ACOXL: variants seen among roughly 807,000 people sequenced by gnomAD.
ACOXL encodes the protein acyl-coenzyme A oxidase-like protein.
A neutral mutation model predicts 71.9 loss-of-function variants in ACOXL; 70 were observed. That is an observed-to-expected ratio of 0.97 (90% CI 0.80 to 1.19). The LOEUF is 1.19. Ranked by LOEUF, ACOXL falls within the 50% of genes most tolerant of loss-of-function variation. ACOXL has a pLI of 0.00. For synonymous variants in ACOXL, 253 were observed against 281.6 expected, an observed-to-expected ratio of 0.90 and a Z score of 1.02; for missense variants, 703 against 736.3, an observed-to-expected ratio of 0.95 and a Z score of 0.52.
chr2:110,785,459 T>C (rs781382659), intron 3 of ACOXL, among the ~76,000 whole-genome samples: 11 of 151,612 alleles, frequency 7.3e-5, no homozygotes, highest in Non-Finnish European at 1.6e-4. Flanking sequence ...AATCAAGATA[T>C]AGAACTGTTC....
chr2:111,040,880 G>A (rs537069347), intron 15 of ACOXL, among the ~76,000 whole-genome samples: 1 of 152,262 alleles, frequency 6.6e-6, no homozygotes, highest in East Asian at 1.9e-4. Flanking sequence ...GGGCCTGAGT[G>A]CCAAGGCCCG....
chr2:111,091,282 A>G (rs1234312881), intron 16 of ACOXL, among the ~76,000 whole-genome samples: 1 of 152,120 alleles, frequency 6.6e-6, no homozygotes, highest in Non-Finnish European at 1.5e-5. Context: ...TCCTATTTAA[A>G]TGCTTCTTAT....
chr2:110,987,136 A>G lies in ACOXL; in HGVS notation c.1088A>G (p.Tyr363Cys). The stretch of plus-strand genomic sequence containing the variant: ...GTGGGGCGGGAACTGCTGGCCCAAT[A>G]CACCAAACAGTATGAAGAAAAACCA... ...MVVGRELLAQ[Y>C]TKQYEEKPLF... The change falls in exon 13 of 18, where the codon TAC (tyrosine) becomes TGC (cysteine). Residue 363 changes from tyrosine (Y) to cysteine (C), a missense_variant. Tyr to Cys is a radical substitution (Grantham distance 194). Transcript: ENST00000439055. The G allele has an allele frequency of 1.9e-6, 3 of 1,574,884 alleles. No homozygotes were observed. Among genetic ancestry groups the G allele is most frequent in the Non-Finnish European group, 2.6e-6 (3 of 1,157,038 alleles).
At chr2:111,008,899 A>G (rs1370587434) in intron 14 of ACOXL, among the ~76,000 whole-genome samples, 2 of 152,076 alleles carry the variant, frequency 1.3e-5, no homozygotes, top group African/African-American at 2.4e-5. Flanking sequence ...TATGTTTTCA[A>G]TGTATTGTCT....
chr2:110,979,095 A>G (rs920072104), intron 12 of ACOXL, among the ~76,000 whole-genome samples: 4 of 146,582 alleles, frequency 2.7e-5, no homozygotes, highest in African/African-American at 9.8e-5. Context: ...AACACTTGGG[A>G]ACAACAGCCG....
intron 9 of ACOXL, among the ~76,000 whole-genome samples, chr2:110,818,470 T>C (rs1573666957): frequency 6.9e-6 from 1 of 144,342 alleles, no homozygotes; most frequent in Non-Finnish European, 1.5e-5. Flanking sequence ...TATATATGTA[T>C]ATGTGTATGT....
chr2:110,814,474 T>C (rs1045203191), intron 9 of ACOXL, among the ~76,000 whole-genome samples: 1 of 152,160 alleles, frequency 6.6e-6, no homozygotes, highest in Non-Finnish European at 1.5e-5. Context: ...TACCTTTGCC[T>C]ACCATAATGA....
intron 14 of ACOXL, among the ~76,000 whole-genome samples, chr2:111,006,660 G>A (rs1182129836): frequency 6.6e-6 from 1 of 151,948 alleles, no homozygotes; most frequent in East Asian, 1.9e-4. Context: ...CTGGGTACAA[G>A]CTATTCTCTT....
chr2:111,027,046 A>G (rs1455145846), intron 14 of ACOXL, among the ~76,000 whole-genome samples: 2 of 151,850 alleles, frequency 1.3e-5, no homozygotes, highest in Non-Finnish European at 2.9e-5. Flanking sequence ...ACAGGCACCC[A>G]CCATCACGCC....
intron 10 of ACOXL, among the ~76,000 whole-genome samples, chr2:110,867,612 A>G (rs990258380): frequency 1.3e-5 from 2 of 152,198 alleles, no homozygotes; most frequent in Non-Finnish European, 2.9e-5. Context: ...GGGCTCAGGA[A>G]GGTGAGAAGG....
intron 16 of ACOXL, among the ~76,000 whole-genome samples, chr2:111,089,298 AAAAC>A (rs368776745): frequency 0.065 from 9,931 of 152,114 alleles, 418 homozygotes; most frequent in South Asian, 0.18. Context: ...CTCCGTCTCA[AAAAC>A]AAACAAACAA....
At chr2:110,958,310 C>T (rs1203790606) in intron 12 of ACOXL, among the ~76,000 whole-genome samples, 9 of 152,154 alleles carry the variant, frequency 5.9e-5, no homozygotes, top group East Asian at 5.8e-4. Flanking sequence ...GCACCTTCAG[C>T]GAAGTATCAT....
At position 110,751,922 on chromosome 2, in the gene ACOXL, C is replaced by T. The variant is rs1452866568; in HGVS notation, c.-22-16446C>T. Among the ~76,000 whole-genome samples, 3 of 152,104 alleles carry T rather than the reference C, an allele frequency of 2.0e-5. No individual in the cohort carries two copies. The East Asian group carries it at 5.8e-4, about 29-fold the overall frequency. ...GAATGAACCACAACTACAACAGATA[C>T]TAAAGATGACTCTTAATTAGCCATT... On this transcript the variant is annotated intron_variant, in intron 1 of 17. Coordinates refer to ENST00000439055, the MANE Select transcript of ACOXL (RefSeq NM_001142807.4).
intron 1 of ACOXL, among the ~76,000 whole-genome samples, chr2:110,761,041 GAT>G (rs1424905260): frequency 6.6e-6 from 1 of 152,146 alleles, no homozygotes; most frequent in Non-Finnish European, 1.5e-5. Flanking sequence ...TGCAAATAGT[GAT>G]AGTGTTACTC....
intron 1 of ACOXL, chr2:110,733,067 G>T (rs942700470): frequency 1.0e-4 from 16 of 152,394 alleles, no homozygotes; most frequent in African/African-American, 3.6e-4. Context: ...TGACAGGCGC[G>T]GTGTCTACGA....
intron 15 of ACOXL, among the ~76,000 whole-genome samples, chr2:111,037,543 C>A (rs186366893): frequency 1.3e-5 from 2 of 152,332 alleles, no homozygotes; most frequent in East Asian, 1.9e-4. Flanking sequence ...TAATGGCCAA[C>A]ACACAGCCAT....
intron 7 of ACOXL, among the ~76,000 whole-genome samples, chr2:110,801,347 G>A (rs1039584727): frequency 6.6e-6 from 1 of 152,196 alleles, no homozygotes; most frequent in Non-Finnish European, 1.5e-5. Context: ...CTTAATCACA[G>A]TCACTGCTCG....
chr2:110,969,721 G>T (rs1362798908), intron 12 of ACOXL, among the ~76,000 whole-genome samples: 1 of 151,786 alleles, frequency 6.6e-6, no homozygotes, highest in African/African-American at 2.4e-5. Context: ...TGAGGCAGGA[G>T]AATCACTTGA....
At chr2:111,029,673 T>C (rs1015208551) in intron 14 of ACOXL, among the ~76,000 whole-genome samples, 40 of 152,232 alleles carry the variant, frequency 2.6e-4, no homozygotes, top group African/African-American at 8.7e-4. Context: ...CTGGGTGCTC[T>C]TCTTCCTGCC....
Sources: allele counts gnomAD v4.1 joint callset (sites outside exome capture counted in the v4.1 genomes callset), GRCh38; gene constraint gnomAD v4.1.1; transcripts MANE v1.5; gene names NCBI Gene and HGNC (gene_info 2026-07-23, HGNC 2026-07-21).